Variants in PPP1R7 observed in about 807,000 individuals in gnomAD.
The protein encoded by PPP1R7 is protein phosphatase 1 regulatory subunit 22.
PPP1R7 carries 18 observed loss-of-function variants against 45.2 expected under a neutral mutation model. That is an observed-to-expected ratio of 0.40 (90% confidence interval 0.28 to 0.59). The LOEUF (loss-of-function observed/expected upper bound fraction) is 0.59, where lower values mean the gene tolerates loss of function less well. Ranked by LOEUF, PPP1R7 falls within the 20% of genes least tolerant of loss-of-function variation. The pLI, the probability that PPP1R7 is intolerant of heterozygous loss-of-function variation, is 0.46. For missense variants in PPP1R7, 314 were observed against 455.8 expected, an observed-to-expected ratio of 0.69 and a Z score of 2.83; for synonymous variants, 181 against 183.4, an observed-to-expected ratio of 0.99 and a Z score of 0.11.
chr2:241,153,859 G>C (rs2067379468), intron 2 of PPP1R7, among the ~76,000 whole-genome samples: 1 of 152,124 alleles, frequency 6.6e-6, no homozygotes, highest in Admixed American at 6.5e-5. Context: ...GCACAAATAT[G>C]GGTACTAGTA....
chr2:241,165,158 A>G (rs947327402), intron 7 of PPP1R7, among the ~76,000 whole-genome samples: 3 of 152,096 alleles, frequency 2.0e-5, no homozygotes, highest in African/African-American at 7.3e-5. Context: ...TCTTTTAACA[A>G]TGAGTTCTTT....
In PPP1R7 at chr2:241,163,374, C is replaced by T. The variant is rs757961664; in HGVS notation, c.687C>T (p.Leu229=). The T allele has an allele frequency of 1.9e-6, 3 of 1,613,304 alleles. No homozygotes were observed. The highest frequency in any genetic ancestry group is 2.5e-6 in the Non-Finnish European group (3 of 1,179,306). The change falls in exon 7 of 10, where the codon CTC becomes CTT. Residue 229 remains leucine (L), a synonymous_variant. Coordinates refer to ENST00000234038, the MANE Select transcript of PPP1R7 (RefSeq NM_002712.3). The part of the protein sequence containing the change: ...KITKLQNLDA[L]TNLTVLSMQS... The stretch of plus-strand genomic sequence containing the variant: ...CTAAACTTCAGAACCTGGATGCGCT[C>T]ACCAACCTGACAGTCCTCAGTATGC...
At chr2:241,176,463 T>TTA (rs2067909589) in intron 9 of PPP1R7, among the ~76,000 whole-genome samples, 1 of 151,162 alleles carries the variant, frequency 6.6e-6, no homozygotes, top group African/African-American at 2.4e-5. Flanking sequence ...TTTCTTTCTT[T>TTA]TTTTTTTTTT....
intron 1 of PPP1R7, chr2:241,151,657 C>A: frequency 2.3e-6 from 1 of 441,068 alleles, no homozygotes. Context: ...AGCGCCTCTT[C>A]ATATCCTCCC....
chr2:241,172,889 A>AT (rs112349460), intron 9 of PPP1R7, among the ~76,000 whole-genome samples: 21 of 150,470 alleles, frequency 1.4e-4, no homozygotes, highest in African/African-American at 2.7e-4. Flanking sequence ...AGCTTGAGAG[A>AT]TTTTTTTTTC....
intron 9 of PPP1R7, among the ~76,000 whole-genome samples, chr2:241,171,933 A>G (rs1479169966): frequency 6.6e-6 from 1 of 152,152 alleles, no homozygotes; most frequent in Non-Finnish European, 1.5e-5. Context: ...TTATAATTAA[A>G]ATGTGTTTTT....
At chr2:241,169,159 T>C (rs1287376291) in intron 8 of PPP1R7, among the ~76,000 whole-genome samples, 2 of 152,196 alleles carry the variant, frequency 1.3e-5, no homozygotes, top group Non-Finnish European at 2.9e-5. Flanking sequence ...CAGCAGGTGC[T>C]CAGCAGGCCC....
Position 241,153,474 on chromosome 2 carries a change from A to G in PPP1R7, c.53-2A>G, listed in dbSNP as rs112306228. 1 of 1,614,110 alleles carries G rather than the reference A, an allele frequency of 6.2e-7. No individual in the cohort carries two copies. The highest frequency in any genetic ancestry group is 8.5e-7 in the Non-Finnish European group (1 of 1,180,024). On this transcript the variant is annotated splice_acceptor_variant, in intron 1 of 9. Coordinates refer to ENST00000234038, the MANE Select transcript of PPP1R7 (RefSeq NM_002712.3). LOFTEE classifies it high-confidence loss of function. ...AATTCTCATTGACATGTGTGGGTTC[A>G]GTTGACAGGCGGGTCGAGTCTGAAG... is the stretch of plus-strand genomic sequence containing the variant.
At chr2:241,182,476 G>T (rs2149075180) in intron 9 of PPP1R7, among the ~76,000 whole-genome samples, 171 bp from the exon 10 acceptor site, 1 of 152,356 alleles carries the variant, frequency 6.6e-6, no homozygotes, top group East Asian at 1.9e-4. Flanking sequence ...TGCAGCTGAA[G>T]GTGGCCAGGA....
At chr2:241,179,813 G>GA (rs1054055602) in intron 9 of PPP1R7, among the ~76,000 whole-genome samples, 1 of 152,162 alleles carries the variant, frequency 6.6e-6, no homozygotes, top group Admixed American at 6.5e-5. Context: ...TTCCATTTTG[G>GA]AAAAATGCAA....
chr2:241,156,259 T>G (rs543093688), intron 2 of PPP1R7, among the ~76,000 whole-genome samples: 4 of 152,344 alleles, frequency 2.6e-5, no homozygotes, highest in African/African-American at 9.6e-5. Context: ...ACAATCTGTT[T>G]ACAGGAGAAA....
intron 6 of PPP1R7, among the ~76,000 whole-genome samples, chr2:241,162,616 A>T (rs2067619267): frequency 6.6e-6 from 1 of 151,166 alleles, no homozygotes; most frequent in African/African-American, 2.4e-5. Context: ...GGGTCCCAGG[A>T]TTTCAAAGAC....
chr2:241,165,224 G>T (rs2067679320), intron 7 of PPP1R7, among the ~76,000 whole-genome samples: 1 of 151,922 alleles, frequency 6.6e-6, no homozygotes, highest in Admixed American at 6.6e-5. Context: ...CTGGAGCACA[G>T]GGGTGCAATC....
chr2:241,154,059 A>T (rs1249423026), intron 2 of PPP1R7, among the ~76,000 whole-genome samples: 1 of 151,694 alleles, frequency 6.6e-6, no homozygotes, highest in Non-Finnish European at 1.5e-5. Flanking sequence ...GTGTGCCTGT[A>T]ATCCCAGTTA....
At chr2:241,166,776 A>G (rs1489053552) in intron 8 of PPP1R7, among the ~76,000 whole-genome samples, 2 of 152,038 alleles carry the variant, frequency 1.3e-5, no homozygotes, top group East Asian at 3.8e-4. Context: ...ATTTTGCAAG[A>G]TTTGAAAAAA....
chr2:241,158,855 G>A (rs763020994), intron 4 of PPP1R7: 20 of 442,176 alleles, frequency 4.5e-5, no homozygotes, highest in Non-Finnish European at 7.9e-5. Context: ...ACAGTCCTCC[G>A]TGCCTCTCAT....
intron 4 of PPP1R7, 124 bp downstream of exon 4, chr2:241,158,673 A>G: frequency 1.1e-6 from 1 of 892,554 alleles, no homozygotes; most frequent in South Asian, 1.5e-5. Context: ...GGCTGCCTCC[A>G]CCTTGTAGCA....
chr2:241,150,697 G>GCGGGGGAGGCGCTGGACCT, intron 1 of PPP1R7, 150 bp downstream of exon 1: 1 of 1,248,972 alleles, frequency 8.0e-7, no homozygotes, highest in Non-Finnish European at 1.0e-6. Context: ...ACCCGGGGGA[G>GCGGGGGAGGCGCTGGACCT]CGGGGGAGGC....
chr2:241,176,154 C>T (rs909934386), intron 9 of PPP1R7, among the ~76,000 whole-genome samples: 17 of 152,176 alleles, frequency 1.1e-4, no homozygotes, highest in African/African-American at 4.1e-4. Context: ...CTCAAGCAAT[C>T]CTCCTGCCTG....
Sources: gnomAD v4.1 joint callset for allele counts (sites outside exome capture counted in the v4.1 genomes callset) on GRCh38, gnomAD v4.1.1 for gene constraint, MANE v1.5 for transcripts, NCBI Gene and HGNC (gene_info 2026-07-23, HGNC 2026-07-21) for gene names.